Variants in SMC3 observed in about 807,000 individuals in gnomAD.
SMC3 encodes structural maintenance of chromosomes 3, also known as structural maintenance of chromosomes protein 3.
In SMC3, 20 loss-of-function variants were observed where a neutral mutation model predicts 171.8. That is an observed-to-expected ratio of 0.12 (90% confidence interval 0.08 to 0.17). The LOEUF (loss-of-function observed/expected upper bound fraction) is 0.17, where lower values mean the gene tolerates loss of function less well. Among genes scored for constraint, SMC3 ranks in the 10% least tolerant of loss-of-function variants. The pLI is 1.00. For synonymous variants in SMC3, 464 were observed against 451.1 expected (o/e 1.03, Z -0.36); for missense variants, 543 against 1,420.4 (o/e 0.38, Z 9.93).
intron 2 of SMC3, among the ~76,000 whole-genome samples, chr10:110,572,862 G>T (rs1860891997): frequency 6.6e-6 from 1 of 151,898 alleles, no homozygotes; most frequent in Non-Finnish European, 1.5e-5. Flanking sequence ...TATTGGTATG[G>T]ATGCATGGAT....
At chr10:110,569,576 T>C (rs556554948) in intron 2 of SMC3, among the ~76,000 whole-genome samples, 1 of 152,246 alleles carries the variant, frequency 6.6e-6, no homozygotes, top group Non-Finnish European at 1.5e-5. Flanking sequence ...GGCACATGTA[T>C]ACCTATGTAA....
At chr10:110,591,434 A>G (rs1861202919) in intron 17 of SMC3, among the ~76,000 whole-genome samples, 1 of 152,206 alleles carries the variant, frequency 6.6e-6, no homozygotes, top group Non-Finnish European at 1.5e-5. Flanking sequence ...GCAAATGTGC[A>G]GTGTTAAAAG....
intron 8 of SMC3, 44 bp downstream of exon 8, chr10:110,581,065 C>T (rs754529251): frequency 9.2e-7 from 1 of 1,090,088 alleles, no homozygotes; most frequent in South Asian, 1.2e-5. Flanking sequence ...TTGCAAATTA[C>T]TGTTTTTGTG....
At chr10:110,589,353 A>G (rs1359861288) in intron 13 of SMC3, among the ~76,000 whole-genome samples, 1 of 152,224 alleles carries the variant, frequency 6.6e-6, no homozygotes, top group Non-Finnish European at 1.5e-5. Flanking sequence ...GAAAGTGGCA[A>G]AAATAAAGTA....
intron 2 of SMC3, among the ~76,000 whole-genome samples, chr10:110,572,696 T>G (rs977428483): frequency 6.6e-6 from 1 of 152,224 alleles, no homozygotes; most frequent in Admixed American, 6.5e-5. Context: ...TTGTGCTCCT[T>G]TTCAAACTTT....
At chr10:110,604,103 A>AAAAC (rs1353896972) in intron 28 of SMC3, 128 bp from the exon 29 acceptor site, 1 of 501,664 alleles carries the variant, frequency 2.0e-6, no homozygotes, top group Non-Finnish European at 3.6e-6. Flanking sequence ...TCAAAAAAAA[A>AAAAC]AAAAAAAAAA....
intron 19 of SMC3, 65 bp downstream of exon 19, chr10:110,596,615 A>G (rs1277005291): frequency 6.1e-6 from 9 of 1,465,814 alleles, no homozygotes; most frequent in African/African-American, 1.4e-5. Context: ...TGGTTGCCAT[A>G]TATAATCTTT....
Position 110,582,279 on chromosome 10 carries a change from A to G in SMC3, c.723+181A>G, listed in dbSNP as rs2275569. ...GGAAATTAGCCATGTGGTCCTTGCT[A>G]TATAGTATTATCTGAAATATAATCA... On this transcript the variant is annotated intron_variant, in intron 9 of 28. Transcript: ENST00000361804. Among the ~76,000 whole-genome samples the G allele has an allele frequency of 0.11, 17,089 of 152,200 alleles. 1,152 individuals carry two copies. Among genetic ancestry groups the G allele is most frequent in the East Asian group, 0.26 (1,355 of 5,176 alleles).
intron 19 of SMC3, among the ~76,000 whole-genome samples, chr10:110,597,442 G>T (rs1171724939): frequency 6.6e-6 from 1 of 152,150 alleles, no homozygotes; most frequent in Non-Finnish European, 1.5e-5. Context: ...AGGTACTTGA[G>T]CATCAAGAAT....
intron 17 of SMC3, among the ~76,000 whole-genome samples, chr10:110,592,851 A>G (rs1443725306): frequency 6.6e-6 from 1 of 152,244 alleles, no homozygotes; most frequent in Non-Finnish European, 1.5e-5. Context: ...TAAACTCTTT[A>G]GCACTATTAG....
Position 110,593,058 on chromosome 10 carries a change from A to G in SMC3, c.1813-15A>G, listed in dbSNP as rs771497645. The G allele has an allele frequency of 6.2e-7, 1 of 1,610,664 alleles. No homozygotes were observed. The highest frequency in any genetic ancestry group is 8.5e-7 in the Non-Finnish European group (1 of 1,177,038). ...CTGTGTTGTGATCTCTCTGTTGACA[A>G]AATTTCATTTTTAGGATGCTATTCC... On this transcript the variant is annotated splice_polypyrimidine_tract_variant and intron_variant, in intron 17 of 28. Transcript: ENST00000361804.
intron 3 of SMC3, among the ~76,000 whole-genome samples, chr10:110,575,042 A>G (rs1328464042): frequency 6.6e-6 from 1 of 152,198 alleles, no homozygotes; most frequent in Admixed American, 6.5e-5. Flanking sequence ...ACTTTGAGCC[A>G]GAGGTATACC....
chr10:110,578,607 A>T, intron 6 of SMC3, 21 bp from the exon 7 acceptor site: 1 of 1,578,396 alleles, frequency 6.3e-7, no homozygotes, highest in East Asian at 2.2e-5. Flanking sequence ...ATCGGAAAGT[A>T]ATTTCATTGT....
Position 110,577,501 on chromosome 10 carries a change from CT to C in SMC3, c.270+18del, listed in dbSNP as rs756099489. 2.0e-4 allele frequency: 318 copies of C among 1,578,792 alleles called. No individual in the cohort carries two copies. The highest frequency in any genetic ancestry group is 2.3e-4 in the Non-Finnish European group (263 of 1,150,030). On this transcript the variant is annotated intron_variant, in intron 5 of 28. Transcript: ENST00000361804. ...CAGACAACCGGTTACCAGTAAGTAA[CT>C]TTTTTTTTAAAGTAATGTTGAGAAT...
intron 2 of SMC3, among the ~76,000 whole-genome samples, chr10:110,571,043 G>A (rs1860863187): frequency 6.6e-6 from 1 of 152,070 alleles, no homozygotes; most frequent in Non-Finnish European, 1.5e-5. Flanking sequence ...CGTTTTTAGG[G>A]ATTTTTTTCC....
chr10:110,594,871 C>T (rs1861272423), intron 18 of SMC3, among the ~76,000 whole-genome samples: 1 of 152,090 alleles, frequency 6.6e-6, no homozygotes, highest in African/African-American at 2.4e-5. Context: ...CATTGTTACA[C>T]CTAAGAAATT....
rs148267784 is a variant in SMC3, at chr10:110,567,718, C to A, written c.-99C>A. ...TTGTTTGGCTGAGGGGAGCGAGCGGCGCTTTGGGGGAGGGGTCGCGTAGGC... is the reference window on the plus strand; with the variant it reads ...TTGTTTGGCTGAGGGGAGCGAGCGGAGCTTTGGGGGAGGGGTCGCGTAGGC... On this transcript the variant is annotated 5_prime_UTR_variant, in exon 1 of 29. Coordinates refer to ENST00000361804, the MANE Select transcript of SMC3 (RefSeq NM_005445.4). 0.017 allele frequency: 24,803 copies of A among 1,451,596 alleles called. 278 individuals carry two copies. Among genetic ancestry groups the A allele is most frequent in the Admixed American group, 0.043 (2,487 of 57,480 alleles). 89.9% of individuals were successfully genotyped at this position (1,451,596 alleles called of 1,614,324 possible).
intron 7 of SMC3, 25 bp from the exon 8 acceptor site, chr10:110,580,879 A>G: frequency 8.2e-7 from 1 of 1,213,736 alleles, no homozygotes; most frequent in South Asian, 1.2e-5. Context: ...CAGCTATGTA[A>G]TGATTATTTT....
At chr10:110,570,995 C>T (rs1397337797) in intron 2 of SMC3, among the ~76,000 whole-genome samples, 7 of 152,144 alleles carry the variant, frequency 4.6e-5, no homozygotes, top group Non-Finnish European at 1.0e-4. Flanking sequence ...TAAAAAATAT[C>T]TCTTGTACTG....
Sources: allele counts gnomAD v4.1 joint callset (sites outside exome capture counted in the v4.1 genomes callset), GRCh38; gene constraint gnomAD v4.1.1; transcripts MANE v1.5; gene names NCBI Gene and HGNC (gene_info 2026-07-23, HGNC 2026-07-21).